NPR3: variants seen among roughly 807,000 people sequenced by gnomAD.
The protein encoded by NPR3 is atrial natriuretic peptide receptor 3.
NPR3 carries 34 observed loss-of-function variants against 54.5 expected under a neutral mutation model. That is an observed-to-expected ratio of 0.62 (90% CI 0.47 to 0.83). NPR3 has a LOEUF of 0.83. Ranked by LOEUF, NPR3 falls within the 40% of genes least tolerant of loss-of-function variation. The probability of loss-of-function intolerance (pLI) is 0.00; values close to 1 mark genes in which losing one functional copy is unlikely to be tolerated. For missense variants in NPR3, 674 were observed against 720.8 expected (o/e 0.94, Z 0.74); for synonymous variants, 289 against 297.1 (o/e 0.97, Z 0.28).
intron 1 of NPR3, among the ~76,000 whole-genome samples, chr5:32,693,112 C>A (rs1740440569): frequency 6.8e-6 from 1 of 146,982 alleles, no homozygotes; most frequent in Non-Finnish European, 1.5e-5. Context: ...CAGAGCAAGA[C>A]CCTGTCTCAA....
chr5:32,749,883 C>G (rs1035785927), intron 3 of NPR3, among the ~76,000 whole-genome samples: 2 of 152,116 alleles, frequency 1.3e-5, no homozygotes, highest in Non-Finnish European at 2.9e-5. Context: ...GGGAGGAGAT[C>G]CGACTCAATT....
In NPR3 at chr5:32,711,453, C is replaced by A. The variant is rs960737389; in HGVS notation, c.-324C>A. 21 of 1,080,642 alleles carry A rather than the reference C, an allele frequency of 1.9e-5. No homozygotes were observed. In the African/African-American group the frequency reaches 3.3e-4, roughly 17 times the overall value. The allele number at this position is 1,080,642 out of a possible 1,614,324, so 66.9% of individuals were successfully genotyped here. On this transcript the variant is annotated 5_prime_UTR_variant, in exon 1 of 8. Coordinates refer to ENST00000265074, the MANE Select transcript of NPR3 (RefSeq NM_001204375.2). ...TTAGCAACGCCCAAATAAGAAGCCA[C>A]CTCTAAGCAAAATAGTATATGTATA...
intron 3 of NPR3, among the ~76,000 whole-genome samples, chr5:32,756,780 A>G (rs1381221186): frequency 1.3e-5 from 2 of 152,190 alleles, no homozygotes; most frequent in South Asian, 2.1e-4. Context: ...TAATTTTTGT[A>G]TAAGGTGTAA....
intron 1 of NPR3, among the ~76,000 whole-genome samples, chr5:32,724,415 G>C (rs969226471): frequency 5.3e-5 from 8 of 152,172 alleles, no homozygotes; most frequent in African/African-American, 1.9e-4. Context: ...CTTCTGATTA[G>C]ATGTAGGCTG....
intron 1 of NPR3, among the ~76,000 whole-genome samples, chr5:32,697,597 C>A (rs1740562855): frequency 6.6e-6 from 1 of 151,908 alleles, no homozygotes; most frequent in South Asian, 2.1e-4. Flanking sequence ...TTGGTAAAAT[C>A]CAGCAGTGAA....
chr5:32,691,174 T>A (rs1223520252), intron 1 of NPR3, among the ~76,000 whole-genome samples: 1 of 152,216 alleles, frequency 6.6e-6, no homozygotes. Context: ...AACTGAGACA[T>A]CCTGGATATT....
chr5:32,695,159 A>T (rs1369119793), intron 1 of NPR3, among the ~76,000 whole-genome samples: 1 of 152,256 alleles, frequency 6.6e-6, no homozygotes, highest in African/African-American at 2.4e-5. Flanking sequence ...ATAGTGCTGC[A>T]ATAAACATGG....
chr5:32,768,531 C>T (rs1741592530), intron 3 of NPR3, among the ~76,000 whole-genome samples: 1 of 152,124 alleles, frequency 6.6e-6, no homozygotes, highest in South Asian at 2.1e-4. Context: ...ATGAACAAGA[C>T]CAGCTTTCCT....
chr5:32,778,323 A>G (rs1183162575), intron 4 of NPR3, among the ~76,000 whole-genome samples: 3 of 152,184 alleles, frequency 2.0e-5, no homozygotes, highest in African/African-American at 7.2e-5. Flanking sequence ...TTTGCTAAAC[A>G]ATGGTCCATT....
At position 32,789,854 on chromosome 5, in the gene NPR3, G is replaced by A; in HGVS notation, c.*3509G>A. 1 of 446,234 alleles carries A rather than the reference G, an allele frequency of 2.2e-6. No homozygotes were observed. The highest frequency in any genetic ancestry group is 4.5e-6 in the Non-Finnish European group (1 of 220,780). The allele number at this position is 446,234 out of a possible 1,614,324, so 27.6% of individuals were successfully genotyped here. ...AAGCCAGTATACACTGGCTATTTGT[G>A]GAAATCTCTTTGGGAGATCAAATAG... On this transcript the variant is annotated 3_prime_UTR_variant, in exon 8 of 8. Coordinates refer to ENST00000265074, the MANE Select transcript of NPR3 (RefSeq NM_001204375.2).
intron 1 of NPR3, chr5:32,713,461 G>A: frequency 3.0e-6 from 3 of 985,418 alleles, no homozygotes; most frequent in Non-Finnish European, 3.6e-6. Flanking sequence ...AGGGAAGGCG[G>A]ACTGAGATGC....
intron 3 of NPR3, among the ~76,000 whole-genome samples, chr5:32,755,902 C>T (rs987270135): frequency 6.6e-6 from 1 of 152,192 alleles, no homozygotes. Flanking sequence ...TGGTTTCCAA[C>T]TTCATCCATG....
At chr5:32,714,986 C>T (rs1184398587) in intron 1 of NPR3, among the ~76,000 whole-genome samples, 1 of 152,148 alleles carries the variant, frequency 6.6e-6, no homozygotes. Flanking sequence ...CAGAAGCTAA[C>T]CCAGGAATGC....
At chr5:32,709,420 T>C (rs1305510003), upstream of NPR3, 2 of 151,864 alleles carry the variant, frequency 1.3e-5, no homozygotes, top group African/African-American at 4.8e-5. Context: ...TTTTTTTTTT[T>C]TTTTAATCTG....
intron 2 of NPR3, among the ~76,000 whole-genome samples, chr5:32,732,445 C>A (rs1739512819): frequency 6.6e-6 from 1 of 152,110 alleles, no homozygotes; most frequent in South Asian, 2.1e-4. Context: ...GCTTACATTT[C>A]ACTGACTAGC....
chr5:32,743,462 C>A (rs1740137526), intron 3 of NPR3, among the ~76,000 whole-genome samples: 1 of 151,196 alleles, frequency 6.6e-6, no homozygotes, highest in Non-Finnish European at 1.5e-5. Flanking sequence ...TGAATTTTAT[C>A]AAATGCGTAT....
At chr5:32,770,332 A>G (rs1741689663) in intron 3 of NPR3, among the ~76,000 whole-genome samples, 1 of 152,114 alleles carries the variant, frequency 6.6e-6, no homozygotes, top group African/African-American at 2.4e-5. Context: ...TGTGGGGTTG[A>G]GGCAGGAGGA....
intron 3 of NPR3, among the ~76,000 whole-genome samples, chr5:32,759,876 GT>G (rs911909637): frequency 6.6e-6 from 1 of 152,110 alleles, no homozygotes. Context: ...GCTTAGTTTG[GT>G]TGGATATGAA....
At chr5:32,760,139 A>G (rs1741082460) in intron 3 of NPR3, among the ~76,000 whole-genome samples, 2 of 149,734 alleles carry the variant, frequency 1.3e-5, no homozygotes, top group Admixed American at 6.6e-5. Flanking sequence ...TTTTTTTTCC[A>G]GTTTGGAACT....
Sources: allele counts gnomAD v4.1 joint callset (sites outside exome capture counted in the v4.1 genomes callset), GRCh38; gene constraint gnomAD v4.1.1; transcripts MANE v1.5; gene names NCBI Gene and HGNC (gene_info 2026-07-23, HGNC 2026-07-21).